The following CTNNA3 variants were observed in gnomAD, a reference collection of about 807,000 sequenced individuals.
CTNNA3 encodes the protein catenin alpha-3.
CTNNA3 carries 76 observed loss-of-function variants against 95.7 expected under a neutral mutation model. The ratio of observed to expected loss-of-function variants is 0.79; its 90% confidence interval spans 0.66 to 0.96. The LOEUF is 0.96. Among genes scored for constraint, CTNNA3 ranks in the 40% least tolerant of loss-of-function variants. The pLI is 0.00. For missense variants in CTNNA3, 1,191 were observed against 1,089.8 expected (o/e 1.09, Z -1.31); for synonymous variants, 431 against 374.4 (o/e 1.15, Z -1.74).
At chr10:66,907,072 C>A (rs907315667) in intron 7 of CTNNA3, among the ~76,000 whole-genome samples, 1 of 152,116 alleles carries the variant, frequency 6.6e-6, no homozygotes, top group Non-Finnish European at 1.5e-5. Flanking sequence ...AATTTATACA[C>A]TGATTAATTT....
chr10:66,797,882 C>A (rs1365812138), intron 7 of CTNNA3, among the ~76,000 whole-genome samples: 1 of 151,820 alleles, frequency 6.6e-6, no homozygotes, highest in Non-Finnish European at 1.5e-5. Context: ...ATTCCTATTT[C>A]CTATCTCATT....
intron 5 of CTNNA3, among the ~76,000 whole-genome samples, chr10:67,317,324 T>C (rs547130344): frequency 1.6e-4 from 24 of 152,154 alleles, no homozygotes; most frequent in Non-Finnish European, 3.2e-4. Flanking sequence ...AACTCTTCAT[T>C]TAGCATTAGG....
intron 7 of CTNNA3, among the ~76,000 whole-genome samples, chr10:66,949,817 TCA>T (rs1217560612): frequency 6.8e-6 from 1 of 146,846 alleles, no homozygotes; most frequent in Non-Finnish European, 1.5e-5. Context: ...GATAGCTTTC[TCA>T]CATGTTTTGT....
At chr10:67,180,835 G>A (rs1276286435) in intron 6 of CTNNA3, among the ~76,000 whole-genome samples, 2 of 152,104 alleles carry the variant, frequency 1.3e-5, no homozygotes, top group African/African-American at 2.4e-5. Flanking sequence ...TATTAATGTT[G>A]CGTGTGTTGT....
rs756050603 is a variant in CTNNA3 at position 67,460,375 on chromosome 10, T to A, written c.579+61467A>T. ...TAAAGTGTGTAATGGCAGCACATTG[T>A]TTAAATTTGCCAAAGTCTGGCTCGT... On this transcript the variant is annotated intron_variant, in intron 5 of 17. Coordinates refer to ENST00000433211, the MANE Select transcript of CTNNA3 (RefSeq NM_013266.4). 7.0e-4 allele frequency among the ~76,000 whole-genome samples: 106 copies of A among 152,202 alleles called. 1 individual carries two copies. Among genetic ancestry groups the A allele is most frequent in the Non-Finnish European group, 3.7e-4 (25 of 68,030 alleles).
chr10:66,252,179 T>C (rs558153467), intron 13 of CTNNA3, among the ~76,000 whole-genome samples: 1 of 152,322 alleles, frequency 6.6e-6, no homozygotes, highest in Admixed American at 6.5e-5. Context: ...TCTATGATGG[T>C]TAAACAAAGT....
intron 7 of CTNNA3, among the ~76,000 whole-genome samples, chr10:66,847,128 G>A (rs10128138): frequency 0.4 from 60,773 of 152,026 alleles, 13,120 homozygotes; most frequent in East Asian, 0.55. Flanking sequence ...GGTCTTGCCT[G>A]ACATTTTATG....
intron 14 of CTNNA3, among the ~76,000 whole-genome samples, chr10:66,101,698 T>C (rs192832902): frequency 3.3e-5 from 5 of 152,276 alleles, no homozygotes; most frequent in East Asian, 1.9e-4. Context: ...ATTTCACATA[T>C]GTCAAAGTAG....
At chr10:67,443,070 T>A (rs1846592405) in intron 5 of CTNNA3, among the ~76,000 whole-genome samples, 1 of 150,110 alleles carries the variant, frequency 6.7e-6, no homozygotes, top group African/African-American at 2.4e-5. Context: ...CTTGCAATAG[T>A]TTACTGAGAA....
At chr10:66,624,775 T>G (rs1418787980) in intron 9 of CTNNA3, among the ~76,000 whole-genome samples, 1 of 152,072 alleles carries the variant, frequency 6.6e-6, no homozygotes, top group East Asian at 1.9e-4. Context: ...AAAACAAAAT[T>G]AAGCAGGGGG....
chr10:67,399,919 AC>A (rs1472062722), intron 5 of CTNNA3, among the ~76,000 whole-genome samples: 1 of 151,844 alleles, frequency 6.6e-6, no homozygotes, highest in Non-Finnish European at 1.5e-5. Context: ...TATTTTAATT[AC>A]AATTTTTTTT....
chr10:66,841,015 G>C (rs1843049810), intron 7 of CTNNA3, among the ~76,000 whole-genome samples: 1 of 152,124 alleles, frequency 6.6e-6, no homozygotes, highest in Admixed American at 6.5e-5. Context: ...ATATATTCAG[G>C]AAACCACATT....
intron 7 of CTNNA3, among the ~76,000 whole-genome samples, chr10:67,141,678 A>G (rs1316208579): frequency 2.0e-5 from 3 of 152,108 alleles, no homozygotes; most frequent in African/African-American, 7.2e-5. Flanking sequence ...AAAAGCAGCT[A>G]TTTTCTTTCT....
At chr10:67,268,641 A>T (rs1866931745) in intron 5 of CTNNA3, among the ~76,000 whole-genome samples, 1 of 152,222 alleles carries the variant, frequency 6.6e-6, no homozygotes, top group Admixed American at 6.5e-5. Context: ...AATTACTTTT[A>T]ATATGCAGTT....
intron 12 of CTNNA3, among the ~76,000 whole-genome samples, chr10:66,344,945 C>A (rs1308477766): frequency 6.6e-6 from 1 of 151,966 alleles, no homozygotes; most frequent in African/African-American, 2.4e-5. Context: ...TACAAAAATT[C>A]TAGTCCTTCA....
chr10:66,318,276 A>ATATATGTGTGTGTGTGTG (rs33943741), intron 12 of CTNNA3, among the ~76,000 whole-genome samples: 4 of 136,602 alleles, frequency 2.9e-5, no homozygotes, highest in African/African-American at 1.1e-4. Context: ...ATATATATAT[A>ATATATGTGTGTGTGTGTG]TGTGTGTGTG....
intron 5 of CTNNA3, among the ~76,000 whole-genome samples, chr10:67,466,128 T>G (rs889322738): frequency 1.1e-4 from 16 of 152,208 alleles, no homozygotes; most frequent in African/African-American, 3.9e-4. Context: ...CATACTAATA[T>G]GCACCATAAT....
At chr10:66,670,054 A>G (rs772647286) in intron 9 of CTNNA3, among the ~76,000 whole-genome samples, 26 of 152,226 alleles carry the variant, frequency 1.7e-4, no homozygotes, top group Non-Finnish European at 3.4e-4. Context: ...TTCATGGTAT[A>G]GAAATCTCCC....
At chr10:67,154,923 C>T (rs1057063126) in intron 7 of CTNNA3, among the ~76,000 whole-genome samples, 1 of 152,172 alleles carries the variant, frequency 6.6e-6, no homozygotes, top group African/African-American at 2.4e-5. Context: ...TTCATCTTCA[C>T]CTCCTACTTC....
Sources: allele counts gnomAD v4.1 joint callset (sites outside exome capture counted in the v4.1 genomes callset), GRCh38; gene constraint gnomAD v4.1.1; transcripts MANE v1.5; gene names NCBI Gene and HGNC (gene_info 2026-07-23, HGNC 2026-07-21).